PDE11A: variants seen among roughly 807,000 people sequenced by gnomAD.
PDE11A encodes the protein phosphodiesterase 11A, also known as dual 3',5'-cyclic-AMP and -GMP phosphodiesterase 11A.
PDE11A carries 100 observed loss-of-function variants against 100.5 expected under a neutral mutation model. The observed-to-expected ratio is 1.00, with a 90% CI of 0.85 to 1.18. PDE11A has a LOEUF of 1.18. Among genes scored for constraint, PDE11A ranks in the 50% most tolerant of loss-of-function variants. The pLI is 0.00. For synonymous variants in PDE11A, 381 were observed against 420.8 expected (o/e 0.91, Z 1.16); for missense variants, 1,141 against 1,152.6 (o/e 0.99, Z 0.15).
At chr2:177,927,493 G>A (rs1020856693) in intron 2 of PDE11A, among the ~76,000 whole-genome samples, 9 of 152,196 alleles carry the variant, frequency 5.9e-5, no homozygotes, top group Admixed American at 2.0e-4. Flanking sequence ...ATACCAGACT[G>A]TTGGTTCACA....
chr2:177,965,620 C>T (rs920178190), intron 2 of PDE11A, among the ~76,000 whole-genome samples: 12 of 152,088 alleles, frequency 7.9e-5, no homozygotes, highest in Admixed American at 2.6e-4. Context: ...ATAGACAGTC[C>T]TTTCTCCATT....
At chr2:177,788,897 A>G (rs1315198232) in intron 9 of PDE11A, among the ~76,000 whole-genome samples, 3 of 152,140 alleles carry the variant, frequency 2.0e-5, no homozygotes, top group Non-Finnish European at 4.4e-5. Flanking sequence ...GCAATAATCA[A>G]TAGCTTACCA....
chr2:177,754,266 C>T (rs1433804087), intron 10 of PDE11A, among the ~76,000 whole-genome samples: 1 of 152,118 alleles, frequency 6.6e-6, no homozygotes, highest in Admixed American at 6.5e-5. Flanking sequence ...ATAACATACC[C>T]TGTCAGAAGA....
In PDE11A at chr2:177,855,099, A is replaced by G. The variant is rs138398130; in HGVS notation, c.1368-14716T>C. Among the ~76,000 whole-genome samples, 1,093 of 152,212 alleles carry G rather than the reference A, an allele frequency of 7.2e-3. 12 individuals carry two copies. Among genetic ancestry groups the G allele is most frequent in the African/African-American group, 0.024 (1,017 of 41,532 alleles). ...TGAAATATGTAGCATATTTTTGTTT[A>G]TACAAAACACCTATTACATCCTTCC... is the stretch of plus-strand genomic sequence containing the variant. On this transcript the variant is annotated intron_variant, in intron 5 of 19. Coordinates refer to ENST00000286063, the MANE Select transcript of PDE11A (RefSeq NM_016953.4).
At chr2:178,030,148 G>A (rs1323842028) in intron 1 of PDE11A, among the ~76,000 whole-genome samples, 1 of 151,976 alleles carries the variant, frequency 6.6e-6, no homozygotes, top group Non-Finnish European at 1.5e-5. Flanking sequence ...TCTCTAGAGA[G>A]AATAATCAGG....
intron 1 of PDE11A, among the ~76,000 whole-genome samples, chr2:178,066,880 G>A (rs2087053727): frequency 6.6e-6 from 1 of 152,296 alleles, no homozygotes; most frequent in Non-Finnish European, 1.5e-5. Context: ...TGGATTAGGG[G>A]ACAGACTCTT....
chr2:177,773,002 A>G (rs1284102269), intron 9 of PDE11A, among the ~76,000 whole-genome samples: 2 of 152,044 alleles, frequency 1.3e-5, no homozygotes, highest in Non-Finnish European at 2.9e-5. Context: ...CAATTATTTA[A>G]ATTGCTATCG....
At chr2:177,851,750 A>C (rs1450082764) in intron 5 of PDE11A, among the ~76,000 whole-genome samples, 1 of 151,722 alleles carries the variant, frequency 6.6e-6, no homozygotes, top group South Asian at 2.1e-4. Context: ...TTTTTTTTTA[A>C]CTTTTAAGTT....
chr2:177,745,180 C>A lies in PDE11A; in HGVS notation c.1789-17008G>T, dbSNP rs184471781. ...TCCCAAGCTATAGAAGACCATGTCA[C>A]AAAAAATCATGGCATGAAAGAGAGA... On this transcript the variant is annotated intron_variant, in intron 10 of 19. Coordinates refer to ENST00000286063, the MANE Select transcript of PDE11A (RefSeq NM_016953.4). 2.1e-3 allele frequency among the ~76,000 whole-genome samples: 326 copies of A among 152,060 alleles called. 1 individual carries two copies. Among genetic ancestry groups the A allele is most frequent in the Middle Eastern group, 0.01 (3 of 294 alleles).
At chr2:177,685,183 T>C (rs2105512417) in intron 15 of PDE11A, among the ~76,000 whole-genome samples, 1 of 152,340 alleles carries the variant, frequency 6.6e-6, no homozygotes, top group South Asian at 2.1e-4. Context: ...ATGATTATCT[T>C]AGAAAGCTAA....
intron 2 of PDE11A, among the ~76,000 whole-genome samples, chr2:177,905,663 A>G (rs1353811916): frequency 1.3e-5 from 2 of 152,226 alleles, no homozygotes; most frequent in African/African-American, 4.8e-5. Context: ...CAGGGATTTC[A>G]GCTTGATTCT....
chr2:178,069,177 T>C (rs1350582168), intron 1 of PDE11A, among the ~76,000 whole-genome samples: 1 of 152,194 alleles, frequency 6.6e-6, no homozygotes, highest in Non-Finnish European at 1.5e-5. Context: ...TTTTAGGGGC[T>C]TTGACACAAT....
At chr2:177,970,111 C>T (rs928960628) in intron 2 of PDE11A, among the ~76,000 whole-genome samples, 3 of 152,098 alleles carry the variant, frequency 2.0e-5, no homozygotes, top group Admixed American at 6.5e-5. Context: ...AAAATTCCAA[C>T]GTAAATCAAG....
At chr2:177,908,978 T>C (rs1046515169) in intron 2 of PDE11A, among the ~76,000 whole-genome samples, 1 of 152,222 alleles carries the variant, frequency 6.6e-6, no homozygotes, top group South Asian at 2.1e-4. Context: ...GTTCTTTTCA[T>C]CTACCCCACT....
chr2:177,674,860 G>A (rs1388634160), intron 17 of PDE11A, among the ~76,000 whole-genome samples: 3 of 152,108 alleles, frequency 2.0e-5, no homozygotes, highest in African/African-American at 2.4e-5. Context: ...CGCACATAAC[G>A]ATTAACCTCT....
intron 2 of PDE11A, among the ~76,000 whole-genome samples, chr2:177,914,381 G>A (rs895406731): frequency 6.6e-6 from 1 of 152,028 alleles, no homozygotes; most frequent in African/African-American, 2.4e-5. Flanking sequence ...ATAATATTAT[G>A]GCTCCATAAA....
At chr2:177,983,679 CT>C (rs1161661323) in intron 2 of PDE11A, among the ~76,000 whole-genome samples, 1 of 151,960 alleles carries the variant, frequency 6.6e-6, no homozygotes, top group Admixed American at 6.6e-5. Flanking sequence ...CTAAAGGAAA[CT>C]TTTTTGTATG....
intron 9 of PDE11A, among the ~76,000 whole-genome samples, chr2:177,800,013 A>G (rs1223044916): frequency 3.9e-5 from 6 of 152,164 alleles, no homozygotes; most frequent in African/African-American, 1.4e-4. Flanking sequence ...CGTTATTAAC[A>G]ATCCCACAAG....
intron 10 of PDE11A, among the ~76,000 whole-genome samples, chr2:177,756,233 T>C (rs2082089026): frequency 6.6e-6 from 1 of 152,154 alleles, no homozygotes; most frequent in African/African-American, 2.4e-5. Context: ...TCAGGGGTTA[T>C]CAAAATAACC....
Sources: gnomAD v4.1 joint callset for allele counts (sites outside exome capture counted in the v4.1 genomes callset) on GRCh38, gnomAD v4.1.1 for gene constraint, MANE v1.5 for transcripts, NCBI Gene and HGNC (gene_info 2026-07-23, HGNC 2026-07-21) for gene names.